Variants in TEAD1 observed in about 807,000 individuals in gnomAD.
The protein encoded by TEAD1 is transcriptional enhancer factor TEF-1.
TEAD1 carries 9 observed loss-of-function variants against 54.9 expected under a neutral mutation model. The observed-to-expected ratio is 0.16, with a 90% CI of 0.10 to 0.29. TEAD1 has a LOEUF of 0.29. TEAD1 is among the 10% of genes least tolerant of loss of function. The pLI is 1.00. For synonymous variants in TEAD1, 200 were observed against 187.8 expected (o/e 1.07, Z -0.53); for missense variants, 387 against 535.9 (o/e 0.72, Z 2.74).
At chr11:12,682,149 G>T (rs1453695719) in intron 2 of TEAD1, among the ~76,000 whole-genome samples, 1 of 152,186 alleles carries the variant, frequency 6.6e-6, no homozygotes, top group Non-Finnish European at 1.5e-5. Flanking sequence ...GTTAAATTTG[G>T]CCACTTCAAA....
intron 2 of TEAD1, among the ~76,000 whole-genome samples, chr11:12,750,246 C>G (rs148898418): frequency 6.6e-5 from 10 of 152,126 alleles, no homozygotes; most frequent in Admixed American, 2.6e-4. Flanking sequence ...ACCCTGTTGT[C>G]AGCTCACAGC....
chr11:12,917,056 T>C (rs1293401338), intron 10 of TEAD1, among the ~76,000 whole-genome samples: 2 of 152,210 alleles, frequency 1.3e-5, no homozygotes, highest in African/African-American at 4.8e-5. Flanking sequence ...AATCTGTGGA[T>C]AATGGTACAT....
At chr11:12,801,923 G>A (rs776961272) in intron 3 of TEAD1, among the ~76,000 whole-genome samples, 35 of 152,174 alleles carry the variant, frequency 2.3e-4, no homozygotes, top group Non-Finnish European at 4.9e-4. Flanking sequence ...CAATAGCTTG[G>A]TTGAGTTTGG....
At chr11:12,727,607 A>G (rs942103179) in intron 2 of TEAD1, among the ~76,000 whole-genome samples, 1 of 152,226 alleles carries the variant, frequency 6.6e-6, no homozygotes, top group Admixed American at 6.5e-5. Context: ...GGCCATATAT[A>G]CCATACTCTG....
At chr11:12,794,611 C>T (rs971768716) in intron 3 of TEAD1, among the ~76,000 whole-genome samples, 1 of 152,172 alleles carries the variant, frequency 6.6e-6, no homozygotes, top group Non-Finnish European at 1.5e-5. Context: ...TCTCCTAACG[C>T]AGTTCTGCCG....
In TEAD1 at chr11:12,915,813, C is replaced by T. The variant is rs183358267; in HGVS notation, c.874-9099C>T. ...GAGCCAACATTGTGCCACTGCACTC[C>T]AGCCTGGGCAGCAGAGTGAGACTCT... On this transcript the variant is annotated intron_variant, in intron 10 of 12. Transcript: ENST00000527636. Among the ~76,000 whole-genome samples the T allele has an allele frequency of 1.7e-4, 26 of 152,280 alleles. No individual in the cohort carries two copies. The East Asian group carries it at 4.8e-3, about 28-fold the overall frequency.
intron 2 of TEAD1, among the ~76,000 whole-genome samples, chr11:12,715,318 C>G (rs890673369): frequency 1.3e-5 from 2 of 152,116 alleles, no homozygotes; most frequent in Admixed American, 1.3e-4. Flanking sequence ...GAACAGGCAT[C>G]AGGGACAGGA....
intron 4 of TEAD1, chr11:12,864,603 A>T: frequency 1.1e-6 from 1 of 948,502 alleles, no homozygotes; most frequent in Non-Finnish European, 1.4e-6. Flanking sequence ...TAGCGATTTT[A>T]TATTTGATTT....
At chr11:12,863,291 G>T (rs1947545952) in intron 4 of TEAD1, among the ~76,000 whole-genome samples, 2 of 152,194 alleles carry the variant, frequency 1.3e-5, no homozygotes, top group African/African-American at 4.8e-5. Flanking sequence ...CCTGGCTGCT[G>T]AGTCAGCACA....
At chr11:12,805,897 T>C (rs1333414750) in intron 3 of TEAD1, among the ~76,000 whole-genome samples, 2 of 152,334 alleles carry the variant, frequency 1.3e-5, no homozygotes, top group East Asian at 3.9e-4. Flanking sequence ...CTTTTATTTT[T>C]TTCACTAGGA....
chr11:12,857,780 C>T (rs1947420503), intron 3 of TEAD1, among the ~76,000 whole-genome samples: 1 of 151,886 alleles, frequency 6.6e-6, no homozygotes, highest in African/African-American at 2.4e-5. Context: ...CTTTGGAGGG[C>T]AGGGCTGTAG....
Position 12,886,253 on chromosome 11 carries a change from G to A in TEAD1, c.699+3128G>A, listed in dbSNP as rs570135495. Among the ~76,000 whole-genome samples the A allele has an allele frequency of 4.6e-5, 7 of 152,292 alleles. No homozygotes were observed. In the South Asian group the frequency reaches 6.2e-4, roughly 14 times the overall value. ...GGCCAGAGATAAGTGTTTCAGGTACGTTCAGGATACATATGATAATCTGAA... is the reference window on the plus strand; with the variant it reads ...GGCCAGAGATAAGTGTTTCAGGTACATTCAGGATACATATGATAATCTGAA... On this transcript the variant is annotated intron_variant, in intron 9 of 12. Coordinates refer to ENST00000527636, the MANE Select transcript of TEAD1 (RefSeq NM_021961.6).
chr11:12,731,366 A>G (rs1944421347), intron 2 of TEAD1, among the ~76,000 whole-genome samples: 1 of 152,230 alleles, frequency 6.6e-6, no homozygotes, highest in African/African-American at 2.4e-5. Flanking sequence ...CCACTCATAG[A>G]TTATTAGTAT....
Position 12,753,925 on chromosome 11 carries a change from G to T in TEAD1, c.-54-10254G>T, listed in dbSNP as rs147356184. 5.3e-5 allele frequency among the ~76,000 whole-genome samples: 8 copies of T among 152,144 alleles called. No homozygotes were observed. The East Asian group carries it at 1.5e-3, about 29-fold the overall frequency. ...GGATTGTAAACTATTGTGTGTGGTG[G>T]GGTCAATTTTTATTTTTTTCGTATG... On this transcript the variant is annotated intron_variant, in intron 2 of 12. Coordinates refer to ENST00000527636, the MANE Select transcript of TEAD1 (RefSeq NM_021961.6).
At chr11:12,719,949 G>GTTTTTTTTTTTTTTTTTTTT (rs1200965763) in intron 2 of TEAD1, among the ~76,000 whole-genome samples, 2 of 40,016 alleles carry the variant, frequency 5.0e-5, no homozygotes, top group Non-Finnish European at 1.3e-4. Flanking sequence ...GAAATCTAAT[G>GTTTTTTTTTTTTTTTTTTTT]TTTTTTTTTT....
chr11:12,682,900 A>G (rs111260402), intron 2 of TEAD1, among the ~76,000 whole-genome samples: 3 of 152,322 alleles, frequency 2.0e-5, no homozygotes, highest in African/African-American at 4.8e-5. Flanking sequence ...ATGCTTGAAC[A>G]TTTTTGAAAT....
chr11:12,864,696 A>G, intron 4 of TEAD1, 142 bp from the exon 5 acceptor site: 1 of 1,570,872 alleles, frequency 6.4e-7, no homozygotes, highest in Non-Finnish European at 8.6e-7. Context: ...GTGTCTAGTC[A>G]TATACAGGTC....
chr11:12,799,062 T>C (rs1945997796), intron 3 of TEAD1, among the ~76,000 whole-genome samples: 1 of 152,232 alleles, frequency 6.6e-6, no homozygotes, highest in Non-Finnish European at 1.5e-5. Context: ...CTACTGGGCT[T>C]TTCTATCTGT....
At position 12,712,080 on chromosome 11, in the gene TEAD1, T is replaced by G. The variant is rs114811961; in HGVS notation, c.-55+36519T>G. Among the ~76,000 whole-genome samples, 1,202 of 152,290 alleles carry G rather than the reference T, an allele frequency of 7.9e-3. 19 individuals are homozygous for G. The highest frequency in any genetic ancestry group is 0.028 in the African/African-American group (1,150 of 41,554). On this transcript the variant is annotated intron_variant, in intron 2 of 12. Coordinates refer to ENST00000527636, the MANE Select transcript of TEAD1 (RefSeq NM_021961.6). ...GCCCACTTGGATAATTTGCATCTTTTGAGGGACATTCTCCATAACAGTCCC... is the reference window on the plus strand; with the variant it reads ...GCCCACTTGGATAATTTGCATCTTTGGAGGGACATTCTCCATAACAGTCCC...
Sources: gnomAD v4.1 joint callset for allele counts (sites outside exome capture counted in the v4.1 genomes callset) on GRCh38, gnomAD v4.1.1 for gene constraint, MANE v1.5 for transcripts, NCBI Gene and HGNC (gene_info 2026-07-23, HGNC 2026-07-21) for gene names.